Variants in GUCY1B1 observed in about 807,000 individuals in gnomAD.
GUCY1B1 encodes guanylate cyclase 1 soluble subunit beta 1.
In GUCY1B1, 43 loss-of-function variants were observed where a neutral mutation model predicts 71.0. The ratio of observed to expected loss-of-function variants is 0.61; its 90% CI spans 0.47 to 0.78. The LOEUF is 0.78. GUCY1B1 is among the 30% of genes least tolerant of loss of function. GUCY1B1 has a pLI of 0.00. For missense variants in GUCY1B1, 535 were observed against 754.1 expected, an observed-to-expected ratio of 0.71 and a Z score of 3.40; for synonymous variants, 266 against 259.7, an observed-to-expected ratio of 1.02 and a Z score of -0.23.
At chr4:155,762,887 G>T (rs2110963445) in intron 2 of GUCY1B1, among the ~76,000 whole-genome samples, 1 of 152,304 alleles carries the variant, frequency 6.6e-6, no homozygotes, top group African/African-American at 2.4e-5. Flanking sequence ...ATGGGCTATA[G>T]TTTGATGACC....
intron 6 of GUCY1B1, 69 bp downstream of exon 6, chr4:155,794,155 C>A: frequency 1.2e-6 from 1 of 808,178 alleles, no homozygotes; most frequent in Non-Finnish European, 2.1e-6. Flanking sequence ...TTACAGGCAG[C>A]CATCCATTCA....
intron 2 of GUCY1B1, among the ~76,000 whole-genome samples, chr4:155,766,145 C>T (rs970576250): frequency 3.9e-5 from 6 of 152,084 alleles, no homozygotes; most frequent in African/African-American, 1.4e-4. Context: ...AAGTATCTTT[C>T]ACCTTTTTCA....
At chr4:155,796,268 C>G (rs1739548753) in intron 7 of GUCY1B1, 109 bp from the exon 8 acceptor site, 3 of 1,003,798 alleles carry the variant, frequency 3.0e-6, no homozygotes, top group Non-Finnish European at 4.6e-6. Context: ...TAATGATGCA[C>G]TTATTCTGCT....
chr4:155,791,565 C>A (rs1235957324), intron 5 of GUCY1B1, among the ~76,000 whole-genome samples: 1 of 150,132 alleles, frequency 6.7e-6, no homozygotes, highest in Non-Finnish European at 1.5e-5. Context: ...CCCGTCTCTA[C>A]TAAAAATACT....
At position 155,805,201 on chromosome 4, in the gene GUCY1B1, T is replaced by G; in HGVS notation, c.1808T>G (p.Phe603Cys). ...AAAAAAGAACCAATGCAAGTTTGGTTTCTATCCAGAAAAAATACAGGAACA... is the reference window on the plus strand; with the variant it reads ...AAAAAAGAACCAATGCAAGTTTGGTGTCTATCCAGAAAAAATACAGGAACA... ...KGKKEPMQVW[F>C]LSRKNTGTEE... Residue 603 changes from phenylalanine to cysteine, a missense_variant, in exon 13 of 14, where the codon TTT (phenylalanine) becomes TGT (cysteine). Coordinates refer to ENST00000264424, the MANE Select transcript of GUCY1B1 (RefSeq NM_000857.5). The G allele has an allele frequency of 6.2e-7, 1 of 1,611,034 alleles. No homozygotes were observed. The highest frequency in any genetic ancestry group is 8.5e-7 in the Non-Finnish European group (1 of 1,178,204).
chr4:155,770,481 G>A (rs1737623397), intron 2 of GUCY1B1, among the ~76,000 whole-genome samples: 1 of 152,076 alleles, frequency 6.6e-6, no homozygotes, highest in African/African-American at 2.4e-5. Flanking sequence ...AACAGAGAAG[G>A]CTTGGTTGAT....
intron 4 of GUCY1B1, among the ~76,000 whole-genome samples, chr4:155,781,932 G>C (rs3775087): frequency 6.6e-6 from 1 of 151,674 alleles, no homozygotes; most frequent in Admixed American, 6.6e-5. Context: ...ATTTTACCTG[G>C]GTATATTGTT....
rs577014807 is a variant in GUCY1B1, at chr4:155,769,564, A to G, written c.78-5404A>G. Among the ~76,000 whole-genome samples, 3 of 152,324 alleles carry G rather than the reference A, an allele frequency of 2.0e-5. No individual in the cohort carries two copies. In the South Asian group the frequency reaches 6.2e-4, roughly 32 times the overall value. Reference sequence around the variant, plus strand: ...CTTGGGATTTGGTAGGACTTTTAAAAATAAAAATAATAGTAGTAAGCAGCA... The same window carrying G: ...CTTGGGATTTGGTAGGACTTTTAAAGATAAAAATAATAGTAGTAAGCAGCA... On this transcript the variant is annotated intron_variant, in intron 2 of 13. Transcript: ENST00000264424.
At chr4:155,798,983 G>A (rs12642040) in intron 8 of GUCY1B1, among the ~76,000 whole-genome samples, 24,196 of 151,814 alleles carry the variant, frequency 0.16, 1,968 homozygotes, top group African/African-American at 0.19. Context: ...GACTACAGGC[G>A]CTAGCCACCA....
intron 3 of GUCY1B1, among the ~76,000 whole-genome samples, chr4:155,777,145 C>T (rs927954851): frequency 6.6e-6 from 1 of 152,212 alleles, no homozygotes; most frequent in Non-Finnish European, 1.5e-5. Flanking sequence ...AACATTTTGA[C>T]TGCAATCCAT....
At chr4:155,773,461 T>C (rs1184147509) in intron 2 of GUCY1B1, among the ~76,000 whole-genome samples, 1 of 152,240 alleles carries the variant, frequency 6.6e-6, no homozygotes, top group Admixed American at 6.5e-5. Flanking sequence ...GTGTATGTTT[T>C]GAGCTACTGT....
intron 9 of GUCY1B1, among the ~76,000 whole-genome samples, chr4:155,800,378 T>A (rs1431189244): frequency 3.3e-5 from 5 of 152,208 alleles, no homozygotes; most frequent in Non-Finnish European, 7.3e-5. Flanking sequence ...AGTTTAACTA[T>A]CATTTATTCC....
chr4:155,779,321 TACAC>T (rs1738263784), intron 4 of GUCY1B1, among the ~76,000 whole-genome samples: 1 of 152,122 alleles, frequency 6.6e-6, no homozygotes, highest in Non-Finnish European at 1.5e-5. Flanking sequence ...CATACATACA[TACAC>T]ACAACAAAGT....
rs137894593 is a variant in GUCY1B1 at position 155,779,883 on chromosome 4, T to A, written c.297+2241T>A. On this transcript the variant is annotated intron_variant, in intron 4 of 13. Transcript: ENST00000264424. ...ACTAAAAATTTAAAGACTTTCTTTC[T>A]GTTTCAGTCCTGGTTTTAATCAGTC... Among the ~76,000 whole-genome samples, 677 of 152,336 alleles carry A rather than the reference T, an allele frequency of 4.4e-3. 3 individuals are homozygous for A. Among genetic ancestry groups the A allele is most frequent in the African/African-American group, 0.016 (655 of 41,576 alleles).
At chr4:155,776,010 A>C (rs1402221120) in intron 3 of GUCY1B1, among the ~76,000 whole-genome samples, 2 of 152,254 alleles carry the variant, frequency 1.3e-5, no homozygotes, top group African/African-American at 4.8e-5. Context: ...TAAATGTTTA[A>C]TATTAACAAG....
At chr4:155,804,207 A>G (rs1268490658) in intron 11 of GUCY1B1, among the ~76,000 whole-genome samples, 2 of 152,310 alleles carry the variant, frequency 1.3e-5, no homozygotes, top group African/African-American at 4.8e-5. Context: ...ATGTTATATG[A>G]TGACTCTACA....
chr4:155,795,522 G>A (rs1739487081), intron 7 of GUCY1B1, 65 bp downstream of exon 7: 7 of 749,556 alleles, frequency 9.3e-6, no homozygotes, highest in South Asian at 3.4e-5. Flanking sequence ...TATTCAGGGG[G>A]GAAAATTATC....
intron 4 of GUCY1B1, among the ~76,000 whole-genome samples, chr4:155,787,796 C>T (rs1347105369): frequency 8.5e-5 from 13 of 152,144 alleles, no homozygotes; most frequent in African/African-American, 1.7e-4. Context: ...TGTGGACACC[C>T]GCGGAATCAT....
chr4:155,786,271 C>T (rs1445669247), intron 4 of GUCY1B1, among the ~76,000 whole-genome samples: 14 of 123,770 alleles, frequency 1.1e-4, no homozygotes, highest in African/African-American at 2.0e-4. Context: ...GTTCAATTTC[C>T]TTTTTTTTTT....
Sources: allele counts gnomAD v4.1 joint callset (sites outside exome capture counted in the v4.1 genomes callset), GRCh38; gene constraint gnomAD v4.1.1; transcripts MANE v1.5; gene names NCBI Gene and HGNC (gene_info 2026-07-23, HGNC 2026-07-21).